Variants in STK4 observed in about 807,000 individuals in gnomAD.
STK4 encodes serine/threonine-protein kinase 4.
In STK4, 30 loss-of-function variants were observed where a neutral mutation model predicts 64.9. The observed-to-expected ratio is 0.46, with a 90% CI of 0.35 to 0.63. STK4 has a LOEUF of 0.63. Among genes scored for constraint, STK4 ranks in the 20% least tolerant of loss-of-function variants. The pLI is 0.01. For synonymous variants in STK4, 177 were observed against 199.0 expected (o/e 0.89, Z 0.93); for missense variants, 466 against 598.5 (o/e 0.78, Z 2.31).
chr20:45,001,450 C>T (rs1402047724), intron 9 of STK4, 97 bp downstream of exon 9: 6 of 1,388,490 alleles, frequency 4.3e-6, no homozygotes, highest in Non-Finnish European at 5.7e-6. Context: ...GCCTTGGGTT[C>T]TTTCTTTTGT....
intron 5 of STK4, among the ~76,000 whole-genome samples, chr20:44,990,799 G>A (rs2067619781): frequency 6.6e-6 from 1 of 152,158 alleles, no homozygotes; most frequent in South Asian, 2.1e-4. Flanking sequence ...AAGGTTTAGG[G>A]TGCTTAGCTG....
At chr20:45,027,155 G>A (rs530318548) in intron 10 of STK4, among the ~76,000 whole-genome samples, 2 of 152,202 alleles carry the variant, frequency 1.3e-5, no homozygotes, top group East Asian at 1.9e-4. Context: ...TTGGCTAGGC[G>A]CAGTGGCTCA....
At chr20:45,011,353 T>G (rs1157014847) in intron 9 of STK4, among the ~76,000 whole-genome samples, 1 of 152,096 alleles carries the variant, frequency 6.6e-6, no homozygotes, top group Non-Finnish European at 1.5e-5. Flanking sequence ...AAAGTAGCCT[T>G]TATGCTAGAA....
chr20:45,055,709 T>TTTTC (rs990488580), intron 10 of STK4, among the ~76,000 whole-genome samples: 4 of 142,698 alleles, frequency 2.8e-5, no homozygotes, highest in Non-Finnish European at 4.7e-5. Flanking sequence ...TTTCTTTTCT[T>TTTTC]TTTCTTTCTT....
chr20:44,979,173 T>G lies in STK4; in HGVS notation c.245+602T>G, dbSNP rs371727158. On this transcript the variant is annotated intron_variant, in intron 3 of 10. Transcript: ENST00000372806. Reference sequence around the variant, plus strand: ...GGCAGAAGGTGGTGCTTGCTTTTTTTTGTGTGTGTGATAATGATCTTTTTT... The same window carrying G: ...GGCAGAAGGTGGTGCTTGCTTTTTTGTGTGTGTGTGATAATGATCTTTTTT... 2.5e-4 allele frequency among the ~76,000 whole-genome samples: 38 copies of G among 152,240 alleles called. 1 individual carries two copies. Among genetic ancestry groups the G allele is most frequent in the East Asian group, 9.6e-4 (5 of 5,184 alleles).
intron 10 of STK4, among the ~76,000 whole-genome samples, chr20:45,058,692 G>T (rs971306175): frequency 6.6e-6 from 1 of 152,092 alleles, no homozygotes; most frequent in Non-Finnish European, 1.5e-5. Flanking sequence ...GACATAGCTC[G>T]CAGGGTTTCT....
chr20:45,063,901 G>A (rs1026838356), intron 10 of STK4, among the ~76,000 whole-genome samples: 3 of 151,666 alleles, frequency 2.0e-5, no homozygotes, highest in African/African-American at 7.3e-5. Flanking sequence ...TCCACCTCCC[G>A]GGTTCACGCC....
intron 9 of STK4, among the ~76,000 whole-genome samples, chr20:45,016,360 C>A (rs1458368627): frequency 6.6e-6 from 1 of 152,118 alleles, no homozygotes; most frequent in Non-Finnish European, 1.5e-5. Flanking sequence ...CGAAAGATAA[C>A]CACTGTGGTT....
rs1232051231 is a variant in STK4 at position 45,076,619 on chromosome 20, A to C, written c.*1443A>C. 1 of 152,264 alleles carries C rather than the reference A, an allele frequency of 6.6e-6. No homozygotes were observed. The highest frequency in any genetic ancestry group is 1.5e-5 in the Non-Finnish European group (1 of 68,086). 9.4% of individuals were successfully genotyped at this position (152,264 alleles called of 1,614,324 possible). A position where few individuals can be genotyped will look rare whatever the true frequency, so the allele number is the denominator to read the frequency against. ...ACAACATCTACCAGATATAGCAGAC[A>C]AGCACCCATGGAGGCAGGTTTCGGG... On this transcript the variant is annotated 3_prime_UTR_variant, in exon 11 of 11. Transcript: ENST00000372806. The surrounding 1 kb of genome is among the most constrained non-coding windows in gnomAD (Gnocchi z 4.0).
At chr20:44,970,005 T>C (rs770182373) in intron 1 of STK4, among the ~76,000 whole-genome samples, 3 of 152,174 alleles carry the variant, frequency 2.0e-5, no homozygotes, top group Non-Finnish European at 4.4e-5. Flanking sequence ...GACCACCTCT[T>C]GGTTATCAGG....
At chr20:45,015,903 T>C (rs998427990) in intron 9 of STK4, among the ~76,000 whole-genome samples, 6 of 152,228 alleles carry the variant, frequency 3.9e-5, no homozygotes, top group African/African-American at 1.4e-4. Context: ...AGAGTGTTTT[T>C]TTCATTGGAC....
chr20:45,014,128 C>A (rs1439116333), intron 9 of STK4, among the ~76,000 whole-genome samples: 1 of 151,866 alleles, frequency 6.6e-6, no homozygotes, highest in African/African-American at 2.4e-5. Flanking sequence ...ATATTTAGAG[C>A]TAAAATGAAA....
chr20:45,035,225 C>T (rs2068508947), intron 10 of STK4, among the ~76,000 whole-genome samples: 1 of 151,926 alleles, frequency 6.6e-6, no homozygotes, highest in Non-Finnish European at 1.5e-5. Flanking sequence ...AAGTCATTAC[C>T]TGTGGAGAGA....
chr20:44,981,566 A>T (rs1433105103), intron 3 of STK4, among the ~76,000 whole-genome samples: 2 of 152,196 alleles, frequency 1.3e-5, no homozygotes, highest in African/African-American at 2.4e-5. Context: ...CTTTTTGAAC[A>T]TTTATAATTC....
intron 10 of STK4, among the ~76,000 whole-genome samples, chr20:45,045,185 T>C (rs2068673886): frequency 6.6e-6 from 1 of 152,240 alleles, no homozygotes; most frequent in Admixed American, 6.5e-5. Context: ...ACATTATCAC[T>C]TTAGATCTAG....
chr20:45,016,460 A>C (rs1430356441), intron 9 of STK4, among the ~76,000 whole-genome samples: 4 of 152,228 alleles, frequency 2.6e-5, no homozygotes, highest in African/African-American at 9.6e-5. Flanking sequence ...TCACAGTTTC[A>C]AAAATAATTC....
Position 45,062,989 on chromosome 20 carries a change from C to CTTT in STK4, c.1306-12001_1306-11999dup, listed in dbSNP as rs71197599. Among the ~76,000 whole-genome samples, 56 of 31,496 alleles carry CTTT rather than the reference C, an allele frequency of 1.8e-3. 8 individuals are homozygous for CTTT. Among genetic ancestry groups the CTTT allele is most frequent in the African/African-American group, 4.3e-3 (31 of 7,158 alleles). 20.7% of individuals were successfully genotyped at this position (31,496 alleles called of 152,430 possible). On this transcript the variant is annotated intron_variant, in intron 10 of 10. Coordinates refer to ENST00000372806, the MANE Select transcript of STK4 (RefSeq NM_006282.5). ...ACAGGTGTGAGCCACCGCACCCGGC[C>CTTT]TTTTTTTTTTTTTTTTTTTTTTTTT... is the stretch of plus-strand genomic sequence containing the variant.
chr20:45,070,566 C>A (rs1380989769), intron 10 of STK4, among the ~76,000 whole-genome samples: 1 of 152,078 alleles, frequency 6.6e-6, no homozygotes, highest in Non-Finnish European at 1.5e-5. Context: ...AGGGATGTGA[C>A]TCAAGAGTTT....
intron 10 of STK4, among the ~76,000 whole-genome samples, chr20:45,039,649 C>T (rs2068581424): frequency 6.6e-6 from 1 of 152,076 alleles, no homozygotes; most frequent in Admixed American, 6.6e-5. Flanking sequence ...TCAAAATGAC[C>T]ATTGTATTTC....
Sources: allele counts gnomAD v4.1 joint callset (sites outside exome capture counted in the v4.1 genomes callset), GRCh38; gene constraint gnomAD v4.1.1; non-coding constraint Gnocchi (gnomAD v3.1); transcripts MANE v1.5; gene names NCBI Gene and HGNC (gene_info 2026-07-23, HGNC 2026-07-21).